Variants in SSH2 observed in about 807,000 individuals in gnomAD.
SSH2 encodes the protein slingshot protein phosphatase 2.
In SSH2, 37 loss-of-function variants were observed where a neutral mutation model predicts 135.2. The ratio of observed to expected loss-of-function variants is 0.27; its 90% CI spans 0.21 to 0.36. The LOEUF (loss-of-function observed/expected upper bound fraction) is 0.36. SSH2 is among the 10% of genes least tolerant of loss of function. SSH2 has a pLI of 1.00. For missense variants in SSH2, 1,408 were observed against 1,765.3 expected (o/e 0.80, Z 3.63); for synonymous variants, 628 against 646.2 (o/e 0.97, Z 0.43).
rs1220020781 is a variant in SSH2, at chr17:29,648,263, C to T, written c.1308G>A (p.Lys436=). ...SASTVIAYAM[K]EYGWNLDRAY... Reference sequence around the variant, plus strand: ...CTCGGTCCAGATTCCAGCCATATTCCTTCATTGCATAGGCAATCACGGTGG... The same window carrying T: ...CTCGGTCCAGATTCCAGCCATATTCTTTCATTGCATAGGCAATCACGGTGG... Residue 436 remains lysine (K), a synonymous_variant, in exon 14 of 16, where the codon AAG becomes AAA. Transcript: ENST00000540801. The T allele has an allele frequency of 5.0e-6, 8 of 1,614,058 alleles. No individual in the cohort carries two copies. The highest frequency in any genetic ancestry group is 6.8e-6 in the Non-Finnish European group (8 of 1,180,050).
chr17:29,813,737 G>A (rs1178298615), intron 2 of SSH2, among the ~76,000 whole-genome samples: 2 of 151,878 alleles, frequency 1.3e-5, no homozygotes, highest in Non-Finnish European at 2.9e-5. Flanking sequence ...AGAATCGCTT[G>A]AACCCGGGAG....
intron 1 of SSH2, among the ~76,000 whole-genome samples, chr17:29,886,762 A>AT (rs976424937): frequency 4.6e-5 from 7 of 151,952 alleles, no homozygotes; most frequent in African/African-American, 1.7e-4. Context: ...AAAAAAAAAA[A>AT]AAAGTTTGAA....
At chr17:29,700,828 C>G (rs188470667) in intron 4 of SSH2, among the ~76,000 whole-genome samples, 1 of 152,144 alleles carries the variant, frequency 6.6e-6, no homozygotes, top group African/African-American at 2.4e-5. Context: ...CTCATTCTGT[C>G]GCCCAGGCTG....
intron 7 of SSH2, 91 bp downstream of exon 7, chr17:29,677,582 C>T: frequency 9.4e-7 from 1 of 1,067,158 alleles, no homozygotes; most frequent in Non-Finnish European, 1.5e-6. Flanking sequence ...AGTTGGCACA[C>T]TGGGCCTCCC....
chr17:29,846,223 C>T (rs531876329), intron 2 of SSH2, among the ~76,000 whole-genome samples: 13 of 152,028 alleles, frequency 8.6e-5, no homozygotes, highest in Non-Finnish European at 1.3e-4. Flanking sequence ...TTAGTAGAGA[C>T]GGGGTTTCAC....
chr17:29,632,451 G>A lies in SSH2; in HGVS notation c.2743C>T (p.Pro915Ser). 6.2e-7 allele frequency: 1 copy of A among 1,614,136 alleles called. No individual in the cohort carries two copies. Among genetic ancestry groups the A allele is most frequent in the African/African-American group, 1.3e-5 (1 of 75,020 alleles). The change falls in exon 16 of 16, where the codon CCA becomes TCA. Residue 915 changes from proline to serine, a missense_variant. Coordinates refer to ENST00000540801, the MANE Select transcript of SSH2 (RefSeq NM_001282129.2). ...CGAGTGGACAATGAGGTACATGTTG[G>A]GGCAGCACCATGATGCTCTTGCTCC... ...RQEQEHHGAA[P>S]TCTSLSTRKN... is the part of the protein sequence containing the mutation.
At position 29,626,092 on chromosome 17, in the gene SSH2, AAGG is replaced by A. The variant is rs1485840427; in HGVS notation, c.*4746_*4748del. ...ATCCCAACCACCAGGAAGATTAAGG[AAGG>A]AGATGAGACCACTCTATATTCTGCT... On this transcript the variant is annotated 3_prime_UTR_variant, in exon 16 of 16. Transcript: ENST00000540801. The A allele has an allele frequency of 2.6e-5, 4 of 152,638 alleles. No individual in the cohort carries two copies. Among genetic ancestry groups the A allele is most frequent in the Non-Finnish European group, 2.9e-5 (2 of 68,044 alleles). The allele number at this position is 152,638 out of a possible 1,614,324, so 9.5% of individuals were successfully genotyped here. A position where few individuals can be genotyped will look rare whatever the true frequency, so the allele number is the denominator to read the frequency against.
intron 3 of SSH2, among the ~76,000 whole-genome samples, chr17:29,750,236 G>A (rs1018706098): frequency 6.6e-6 from 1 of 151,376 alleles, no homozygotes; most frequent in Non-Finnish European, 1.5e-5. Flanking sequence ...TCAGGAGTTC[G>A]AGATCAGCCT....
At chr17:29,809,112 T>A (rs1468778373) in intron 2 of SSH2, among the ~76,000 whole-genome samples, 1 of 152,042 alleles carries the variant, frequency 6.6e-6, no homozygotes, top group Non-Finnish European at 1.5e-5. Context: ...AAATTAGCCA[T>A]GCGTGGTGGC....
chr17:29,860,947 G>T (rs1282424862), intron 1 of SSH2, among the ~76,000 whole-genome samples: 1 of 151,922 alleles, frequency 6.6e-6, no homozygotes, highest in Admixed American at 6.6e-5. Context: ...GTTTCACCAT[G>T]TTGGCCAGGC....
At chr17:29,755,667 CT>C (rs540804204) in intron 3 of SSH2, among the ~76,000 whole-genome samples, 107 of 143,766 alleles carry the variant, frequency 7.4e-4, no homozygotes, top group South Asian at 1.1e-3. Context: ...TTTTCTTTTT[CT>C]TTTTTTTTTT....
intron 1 of SSH2, among the ~76,000 whole-genome samples, chr17:29,891,724 T>C (rs1026030683): frequency 6.6e-6 from 1 of 152,066 alleles, no homozygotes; most frequent in Non-Finnish European, 1.5e-5. Context: ...CATAATTAGC[T>C]AAAAAAGTAC....
At chr17:29,796,525 A>G (rs1281825627) in intron 2 of SSH2, among the ~76,000 whole-genome samples, 1 of 151,988 alleles carries the variant, frequency 6.6e-6, no homozygotes, top group Non-Finnish European at 1.5e-5. Context: ...TATTTTTAGT[A>G]GAGACGGGCT....
rs143794512 is a variant in SSH2, at chr17:29,765,906, G to A, written c.188+27988C>T. 9.5e-3 allele frequency among the ~76,000 whole-genome samples: 1,431 copies of A among 151,390 alleles called. 15 individuals are homozygous for A. The highest frequency in any genetic ancestry group is 0.013 in the Non-Finnish European group (893 of 67,934). On this transcript the variant is annotated intron_variant, in intron 3 of 15. Transcript: ENST00000540801. ...GTGCTGGTGGGCGCCTGTAATCTCA[G>A]CTACTTGGGAGACTGAGGCAGGAGA...
At chr17:29,848,721 C>CT (rs11457166) in intron 2 of SSH2, 128 bp downstream of exon 2, 306,370 of 588,618 alleles carry the variant, frequency 0.52, 82,079 homozygotes, top group East Asian at 0.69. Context: ...CCTTCCCAGA[C>CT]ATTTGGCTGA....
At chr17:29,673,871 A>G (rs927723495) in intron 8 of SSH2, 1 of 317,208 alleles carries the variant, frequency 3.2e-6, no homozygotes, top group African/African-American at 2.2e-5. Flanking sequence ...TAATGGTTGC[A>G]TAATATTTAA....
chr17:29,888,054 T>C (rs1317162248), intron 1 of SSH2, among the ~76,000 whole-genome samples: 4 of 152,092 alleles, frequency 2.6e-5, no homozygotes, highest in Non-Finnish European at 4.4e-5. Flanking sequence ...CTGGGCAATG[T>C]AGTGAGATCT....
chr17:29,884,256 T>A (rs1311507059), intron 1 of SSH2, among the ~76,000 whole-genome samples: 2 of 152,356 alleles, frequency 1.3e-5, no homozygotes, highest in East Asian at 1.9e-4. Context: ...CTTTGTATTA[T>A]CGAATTTCTC....
intron 2 of SSH2, among the ~76,000 whole-genome samples, chr17:29,813,516 C>T (rs916877211): frequency 1.3e-5 from 2 of 151,418 alleles, no homozygotes; most frequent in Non-Finnish European, 3.0e-5. Flanking sequence ...CTATATTTTC[C>T]CTAAAAAAAT....
Sources: gnomAD v4.1 joint callset for allele counts (sites outside exome capture counted in the v4.1 genomes callset) on GRCh38, gnomAD v4.1.1 for gene constraint, MANE v1.5 for transcripts, NCBI Gene and HGNC (gene_info 2026-07-23, HGNC 2026-07-21) for gene names.